The following CREM variants were observed in gnomAD, a reference collection of about 807,000 sequenced individuals.
CREM encodes the protein cAMP-responsive element modulator.
In CREM, 13 loss-of-function variants were observed where a neutral mutation model predicts 37.3. The ratio of observed to expected loss-of-function variants is 0.35; its 90% CI spans 0.23 to 0.55. The LOEUF (loss-of-function observed/expected upper bound fraction) is 0.55, where lower values mean the gene tolerates loss of function less well. Ranked by LOEUF, CREM falls within the 20% of genes least tolerant of loss-of-function variation. The probability of loss-of-function intolerance (pLI) is 0.88; values close to 1 mark genes in which losing one functional copy is unlikely to be tolerated. For synonymous variants in CREM, 124 were observed against 120.2 expected, an observed-to-expected ratio of 1.03 and a Z score of -0.21; for missense variants, 296 against 362.3, an observed-to-expected ratio of 0.82 and a Z score of 1.49.
Position 35,138,544 on chromosome 10 carries a change from T to TTTG in CREM, c.44+666_44+667insTGT, listed in dbSNP as rs1207776310. On this transcript the variant is annotated intron_variant, in intron 2 of 7. Coordinates refer to ENST00000685392, the MANE Select transcript of CREM (RefSeq NM_183011.2). ...TTTTAGAATTTTTTTTTTTTTTTTT[T>TTTG]TGGAGACAGAGTCTCACTGTTACCC... 2.6e-4 allele frequency among the ~76,000 whole-genome samples: 40 copies of TTTG among 151,114 alleles called. No homozygotes were observed. The South Asian group carries it at 6.7e-3, about 25-fold the overall frequency.
intron 2 of CREM, among the ~76,000 whole-genome samples, chr10:35,141,733 A>C (rs2091459753): frequency 6.6e-6 from 1 of 152,212 alleles, no homozygotes; most frequent in Non-Finnish European, 1.5e-5. Flanking sequence ...TTGAATCCAG[A>C]GAAACAGACC....
In CREM at chr10:35,188,393, A is replaced by G; in HGVS notation, c.598+5A>G. 6.2e-7 allele frequency: 1 copy of G among 1,607,164 alleles called. No homozygotes were observed. The highest frequency in any genetic ancestry group is 8.5e-7 in the Non-Finnish European group (1 of 1,176,642). On this transcript the variant is annotated splice_donor_5th_base_variant and intron_variant, in intron 6 of 7. Coordinates refer to ENST00000685392, the MANE Select transcript of CREM (RefSeq NM_183011.2). ...GCAGCCAGGTTGTTGTTCAAGGTAT[A>G]TTTTATTAATCTAATACATTTAGAA...
chr10:35,179,970 G>A (rs1174206483), intron 5 of CREM: 1 of 152,286 alleles, frequency 6.6e-6, no homozygotes, highest in East Asian at 1.9e-4. Flanking sequence ...AAAGAAAAAG[G>A]AGGAGAAAGG....
At chr10:35,171,511 T>C (rs1283019044) in intron 3 of CREM, among the ~76,000 whole-genome samples, 2 of 152,198 alleles carry the variant, frequency 1.3e-5, no homozygotes, top group Admixed American at 6.5e-5. Flanking sequence ...ATAATTGTAC[T>C]TGAAAGATGA....
At chr10:35,181,737 G>A (rs2094358803) in intron 5 of CREM, among the ~76,000 whole-genome samples, 1 of 152,146 alleles carries the variant, frequency 6.6e-6, no homozygotes, top group South Asian at 2.1e-4. Flanking sequence ...TTAGCAGGGT[G>A]TGGTGGTATG....
chr10:35,177,709 A>G (rs911668965), intron 3 of CREM, among the ~76,000 whole-genome samples: 1 of 152,224 alleles, frequency 6.6e-6, no homozygotes, highest in African/African-American at 2.4e-5. Context: ...TAGAATACTT[A>G]CGTGTTGGAT....
chr10:35,139,747 T>A (rs967220269), intron 2 of CREM, among the ~76,000 whole-genome samples: 33 of 152,320 alleles, frequency 2.2e-4, no homozygotes, highest in African/African-American at 7.9e-4. Flanking sequence ...CTATGAGACA[T>A]CTCTTCAATT....
Position 35,189,167 on chromosome 10 carries a change from T to G in CREM, c.598+779T>G, listed in dbSNP as rs1050838054. Among the ~76,000 whole-genome samples, 48 of 147,918 alleles carry G rather than the reference T, an allele frequency of 3.2e-4. 1 individual carries two copies. The highest frequency in any genetic ancestry group is 3.2e-3 in the Admixed American group (47 of 14,580). ...CTCATTTCAAAACAAATGCTGACTT[T>G]GGGTTTTTTGTTTTTTTTTGTTTGT... On this transcript the variant is annotated intron_variant, in intron 6 of 7. Coordinates refer to ENST00000685392, the MANE Select transcript of CREM (RefSeq NM_183011.2).
intron 5 of CREM, among the ~76,000 whole-genome samples, chr10:35,187,227 A>G (rs2094683849): frequency 9.4e-6 from 1 of 106,578 alleles, no homozygotes; most frequent in Admixed American, 1.5e-4. Flanking sequence ...TTATATATAT[A>G]AAATATATAA....
intron 6 of CREM, among the ~76,000 whole-genome samples, chr10:35,188,707 T>A (rs543901270): frequency 2.0e-5 from 3 of 150,870 alleles, no homozygotes; most frequent in Non-Finnish European, 4.4e-5. Flanking sequence ...GCGCCCAGGC[T>A]GGAGTACAAT....
chr10:35,153,268 AAAAG>A (rs2092703449), intron 3 of CREM, among the ~76,000 whole-genome samples: 1 of 152,208 alleles, frequency 6.6e-6, no homozygotes. Context: ...AAATTAAAAA[AAAAG>A]ATTTTGTAGC....
intron 6 of CREM, among the ~76,000 whole-genome samples, chr10:35,200,890 C>T (rs1241313297): frequency 1.3e-5 from 2 of 152,172 alleles, no homozygotes; most frequent in African/African-American, 4.8e-5. Context: ...TGAATAAAAT[C>T]ACCATCATTT....
At chr10:35,210,681 A>G (rs2095646222) in intron 7 of CREM, 1 of 152,182 alleles carries the variant, frequency 6.6e-6, no homozygotes, top group South Asian at 2.1e-4. Flanking sequence ...ATAAAAATGC[A>G]CATCTTTTGT....
intron 2 of CREM, among the ~76,000 whole-genome samples, chr10:35,143,337 A>G (rs2091689787): frequency 6.6e-6 from 1 of 152,206 alleles, no homozygotes; most frequent in Admixed American, 6.5e-5. Flanking sequence ...AGGGGGAGGC[A>G]GATGGGCAGA....
At position 35,182,102 on chromosome 10, in the gene CREM, A is replaced by G. The variant is rs530653946; in HGVS notation, c.409+2826A>G. Among the ~76,000 whole-genome samples, 4 of 152,372 alleles carry G rather than the reference A, an allele frequency of 2.6e-5. No individual in the cohort carries two copies. In the East Asian group the frequency reaches 7.7e-4, roughly 29 times the overall value. ...ATTTTGGGGACATTTAGTGAAATAT[A>G]TGTAGATAATTCTTTGAGAAGTGAA... is the stretch of plus-strand genomic sequence containing the variant. On this transcript the variant is annotated intron_variant, in intron 5 of 7. Transcript: ENST00000685392.
intron 3 of CREM, among the ~76,000 whole-genome samples, chr10:35,161,854 A>G (rs1269158672): frequency 6.6e-6 from 1 of 152,208 alleles, no homozygotes; most frequent in Admixed American, 6.5e-5. Context: ...GCCATATGGA[A>G]AACAGTATGG....
chr10:35,127,687 AG>A (rs1158213146), intron 1 of CREM: 1 of 152,140 alleles, frequency 6.6e-6, no homozygotes, highest in African/African-American at 2.4e-5. Flanking sequence ...CTCGCAGCTG[AG>A]TCATTCGGTC....
chr10:35,137,447 T>G (rs1422628763), intron 1 of CREM, among the ~76,000 whole-genome samples: 1 of 152,186 alleles, frequency 6.6e-6, no homozygotes, highest in African/African-American at 2.4e-5. Flanking sequence ...CTATACTTAG[T>G]ATTAGATGAT....
chr10:35,151,370 GT>G (rs1300747712), intron 3 of CREM, among the ~76,000 whole-genome samples: 1 of 151,950 alleles, frequency 6.6e-6, no homozygotes, highest in East Asian at 1.9e-4. Flanking sequence ...GTTTCGTTTT[GT>G]TTTTTTGAGA....
Sources: allele counts gnomAD v4.1 joint callset (sites outside exome capture counted in the v4.1 genomes callset), GRCh38; gene constraint gnomAD v4.1.1; transcripts MANE v1.5; gene names NCBI Gene and HGNC (gene_info 2026-07-23, HGNC 2026-07-21).